Variants in ZNF521 observed in about 807,000 individuals in gnomAD.
ZNF521 encodes zinc finger protein 521.
Under a neutral mutation model 105.5 loss-of-function variants are expected in ZNF521, and 14 were observed. That is an observed-to-expected ratio of 0.13 (90% CI 0.09 to 0.21). The LOEUF (loss-of-function observed/expected upper bound fraction) is 0.21. Ranked by LOEUF, ZNF521 falls within the 10% of genes least tolerant of loss-of-function variation. The probability of loss-of-function intolerance (pLI) is 1.00; values close to 1 mark genes in which losing one functional copy is unlikely to be tolerated. For missense variants in ZNF521, 1,233 were observed against 1,629.7 expected (o/e 0.76, Z 4.19); for synonymous variants, 635 against 606.0 (o/e 1.05, Z -0.70).
At chr18:25,077,312 C>G (rs758468274) in intron 7 of ZNF521, among the ~76,000 whole-genome samples, 1 of 152,136 alleles carries the variant, frequency 6.6e-6, no homozygotes. Flanking sequence ...ATAAATCTGC[C>G]CCAAGATACG....
chr18:25,246,199 A>C (rs1382961858), intron 3 of ZNF521, among the ~76,000 whole-genome samples: 1 of 152,148 alleles, frequency 6.6e-6, no homozygotes, highest in Non-Finnish European at 1.5e-5. Context: ...CGTTGTGCAC[A>C]TGTACCCTAG....
chr18:25,243,649 A>T (rs1907503613), intron 3 of ZNF521, among the ~76,000 whole-genome samples: 1 of 152,210 alleles, frequency 6.6e-6, no homozygotes, highest in Non-Finnish European at 1.5e-5. Context: ...GATTGCTTAG[A>T]TCATCAAGCT....
rs568660842 is a variant in ZNF521 at position 25,065,637 on chromosome 18, A to T, written c.3907-2896T>A. Reference sequence around the variant, plus strand: ...GGGTGTTTTTTTCTTCTTACCAAATAAAAAAAAAAAACAGTTTAATTACAT... The same window carrying T: ...GGGTGTTTTTTTCTTCTTACCAAATTAAAAAAAAAAACAGTTTAATTACAT... On this transcript the variant is annotated intron_variant, in intron 7 of 7. Transcript: ENST00000361524. Among the ~76,000 whole-genome samples the T allele has an allele frequency of 4.4e-3, 616 of 140,196 alleles. 3 individuals carry two copies. Among genetic ancestry groups the T allele is most frequent in the African/African-American group, 0.015 (558 of 37,064 alleles). 92.0% of individuals were successfully genotyped at this position (140,196 alleles called of 152,430 possible).
chr18:25,121,716 G>A (rs2034447883), intron 5 of ZNF521, among the ~76,000 whole-genome samples: 1 of 152,026 alleles, frequency 6.6e-6, no homozygotes, highest in Non-Finnish European at 1.5e-5. Context: ...TATGCAGAAG[G>A]GTGTTGCATC....
chr18:25,283,357 T>C (rs1289246914), intron 3 of ZNF521, among the ~76,000 whole-genome samples: 3 of 152,200 alleles, frequency 2.0e-5, no homozygotes, highest in Non-Finnish European at 2.9e-5. Context: ...TGCCAGCACT[T>C]AGCAAGAGTC....
At chr18:25,333,682 C>T (rs1329874042) in intron 2 of ZNF521, among the ~76,000 whole-genome samples, 1 of 152,078 alleles carries the variant, frequency 6.6e-6, no homozygotes, top group African/African-American at 2.4e-5. Flanking sequence ...ATGGGTATGT[C>T]CATCTTTCAC....
chr18:25,297,084 C>T (rs1019548292), intron 3 of ZNF521, among the ~76,000 whole-genome samples: 1 of 151,662 alleles, frequency 6.6e-6, no homozygotes, highest in South Asian at 2.1e-4. Flanking sequence ...CACACATACA[C>T]ACACACACAT....
intron 6 of ZNF521, 88 bp downstream of exon 6, chr18:25,091,862 G>C: frequency 6.7e-7 from 1 of 1,497,430 alleles, no homozygotes; most frequent in Admixed American, 2.0e-5. Flanking sequence ...TCTGTAAAAG[G>C]CCATAGCAGT....
At chr18:25,271,980 T>C (rs1909691877) in intron 3 of ZNF521, among the ~76,000 whole-genome samples, 1 of 152,132 alleles carries the variant, frequency 6.6e-6, no homozygotes, top group Non-Finnish European at 1.5e-5. Flanking sequence ...AGAGGCAACC[T>C]ACAGAATGGG....
At chr18:25,097,361 G>A (rs768157583) in intron 5 of ZNF521, among the ~76,000 whole-genome samples, 16 of 152,224 alleles carry the variant, frequency 1.1e-4, no homozygotes, top group Non-Finnish European at 1.0e-4. Flanking sequence ...AAAGTCTGCC[G>A]GTAGATTAGT....
At chr18:25,268,361 C>T (rs111548566) in intron 3 of ZNF521, among the ~76,000 whole-genome samples, 3 of 152,182 alleles carry the variant, frequency 2.0e-5, no homozygotes, top group African/African-American at 7.2e-5. Flanking sequence ...AAACACACTT[C>T]AGGATATTAA....
rs181823489 is a variant in ZNF521, at chr18:25,312,539, G to A, written c.220+9469C>T. On this transcript the variant is annotated intron_variant, in intron 3 of 7. Transcript: ENST00000361524. ...TTCAGAAGTTGGAACCAGGCCGGGCGCGGTGGCTCACGCCTGTAATCCCAG... is the reference window on the plus strand; with the variant it reads ...TTCAGAAGTTGGAACCAGGCCGGGCACGGTGGCTCACGCCTGTAATCCCAG... 1.9e-4 allele frequency among the ~76,000 whole-genome samples: 7 copies of A among 36,820 alleles called. 1 individual carries two copies. In the East Asian group the frequency reaches 2.1e-3, roughly 11 times the overall value. 24.2% of individuals were successfully genotyped at this position (36,820 alleles called of 152,430 possible).
intron 2 of ZNF521, chr18:25,327,730 C>T: frequency 1.9e-6 from 1 of 517,242 alleles, no homozygotes; most frequent in South Asian, 1.4e-5. Context: ...AAATAAATCG[C>T]ACACTGTTAT....
At chr18:25,253,931 A>T (rs1908293391) in intron 3 of ZNF521, among the ~76,000 whole-genome samples, 1 of 152,152 alleles carries the variant, frequency 6.6e-6, no homozygotes, top group Non-Finnish European at 1.5e-5. Flanking sequence ...ATGAACTCAA[A>T]TCCTTGCCCA....
intron 2 of ZNF521, among the ~76,000 whole-genome samples, chr18:25,349,818 C>T (rs1379486932): frequency 2.7e-5 from 4 of 150,108 alleles, no homozygotes; most frequent in Admixed American, 1.3e-4. Flanking sequence ...CGCCCTTTGT[C>T]CTCCGCCTCC....
intron 3 of ZNF521, among the ~76,000 whole-genome samples, chr18:25,287,283 A>T (rs1421771992): frequency 1.3e-5 from 2 of 152,170 alleles, no homozygotes; most frequent in African/African-American, 4.8e-5. Context: ...TTATTCTTGC[A>T]GCGCTTAATG....
chr18:25,170,992 A>G (rs1319630520), intron 5 of ZNF521, among the ~76,000 whole-genome samples: 2 of 152,180 alleles, frequency 1.3e-5, no homozygotes, highest in Admixed American at 6.6e-5. Flanking sequence ...GACAAAAAAC[A>G]TAAGCTGTGG....
intron 5 of ZNF521, among the ~76,000 whole-genome samples, chr18:25,173,664 C>T (rs2035486233): frequency 1.3e-5 from 2 of 151,968 alleles, no homozygotes; most frequent in Admixed American, 1.3e-4. Flanking sequence ...TGAAAATTGG[C>T]TGCAGGTGGA....
chr18:25,180,393 A>G (rs1016430534), intron 5 of ZNF521, among the ~76,000 whole-genome samples: 1 of 152,198 alleles, frequency 6.6e-6, no homozygotes, highest in African/African-American at 2.4e-5. Context: ...TACAGGAGAC[A>G]CAGAAATAAT....
Sources: gnomAD v4.1 joint callset for allele counts (sites outside exome capture counted in the v4.1 genomes callset) on GRCh38, gnomAD v4.1.1 for gene constraint, MANE v1.5 for transcripts, NCBI Gene and HGNC (gene_info 2026-07-23, HGNC 2026-07-21) for gene names.